Variants in CYLC2 observed in about 807,000 individuals in gnomAD.
CYLC2 encodes cylicin-2.
CYLC2 carries 30 observed loss-of-function variants against 26.1 expected under a neutral mutation model. That is an observed-to-expected ratio of 1.15 (90% CI 0.86 to 1.56). The LOEUF (loss-of-function observed/expected upper bound fraction) is 1.56. Ranked by LOEUF, CYLC2 falls within the 40% of genes most tolerant of loss-of-function variation. The pLI is 0.00. For missense variants in CYLC2, 498 were observed against 394.4 expected (o/e 1.26, Z -2.23); for synonymous variants, 158 against 132.8 (o/e 1.19, Z -1.31).
chr9:103,002,363 T>TCC (rs1198595956), intron 2 of CYLC2, among the ~76,000 whole-genome samples: 7,109 of 126,296 alleles, frequency 0.056, 240 homozygotes, highest in South Asian at 0.11. Context: ...CCCCCTTTTT[T>TCC]TTTTTTTTTT....
Position 103,005,433 on chromosome 9 carries a change from A to T in CYLC2, c.802A>T (p.Lys268Ter), listed in dbSNP as rs765811661. 3.7e-6 allele frequency: 6 copies of T among 1,613,540 alleles called. No individual in the cohort carries two copies. Among genetic ancestry groups the T allele is most frequent in the South Asian group, 1.1e-5 (1 of 91,036 alleles). ...TGCCAAGAAAGATGCAAAGGAGATT[A>T]AAAAAGGTAAGAAAGATAAGAAGAA... ...KDAKKDAKEI[K>*]KGKKDKKKPS... Residue 268 changes from lysine to a stop codon, truncating the protein, a stop_gained, in exon 5 of 8, where the codon AAA becomes TAA. Coordinates refer to ENST00000374798, the MANE Select transcript of CYLC2 (RefSeq NM_001340.5). LOFTEE classifies it low-confidence loss of function (END_TRUNC).
rs2298048 is a variant in CYLC2, at chr9:103,003,066, G to A, written c.59-76G>A. 9.8e-3 allele frequency: 15,264 copies of A among 1,549,688 alleles called. 761 individuals are homozygous for A. The East Asian group carries it at 0.17, about 17-fold the overall frequency. On this transcript the variant is annotated intron_variant, in intron 2 of 7. Coordinates refer to ENST00000374798, the MANE Select transcript of CYLC2 (RefSeq NM_001340.5). Reference sequence around the variant, plus strand: ...TTGTTTATTCATTTACATGATATACGTTGCACGTAATGCCATTTCAGCTCT... The same window carrying A: ...TTGTTTATTCATTTACATGATATACATTGCACGTAATGCCATTTCAGCTCT...
chr9:103,007,230 CTG>C (rs890292348), intron 5 of CYLC2, among the ~76,000 whole-genome samples: 2 of 151,942 alleles, frequency 1.3e-5, no homozygotes, highest in East Asian at 1.9e-4. Flanking sequence ...TAAAAAGTGT[CTG>C]TGGAAAGGTT....
At position 103,014,635 on chromosome 9, in the gene CYLC2, T is replaced by TCATATGTATATTATGCAGTATACAC. The variant is rs1300017140; in HGVS notation, c.*817-2228_*817-2204dup. ...TCATATGTATATTATGCAGTATACA[T>TCATATGTATATTATGCAGTATACAC]CATATGTATATTATGCAGTATACAC... is the stretch of plus-strand genomic sequence containing the variant. On this transcript the variant is annotated intron_variant, in intron 6 of 7. Coordinates refer to ENST00000374798, the MANE Select transcript of CYLC2 (RefSeq NM_001340.5). 6.5e-3 allele frequency among the ~76,000 whole-genome samples: 846 copies of TCATATGTATATTATGCAGTATACAC among 130,636 alleles called. 128 individuals are homozygous for TCATATGTATATTATGCAGTATACAC. Among genetic ancestry groups the TCATATGTATATTATGCAGTATACAC allele is most frequent in the Non-Finnish European group, 7.1e-3 (444 of 62,752 alleles). The allele number at this position is 130,636 out of a possible 152,430, so 85.7% of individuals were successfully genotyped here. A position where few individuals can be genotyped will look rare whatever the true frequency, so the allele number is the denominator to read the frequency against.
intron 5 of CYLC2, among the ~76,000 whole-genome samples, chr9:103,009,799 A>T (rs1158603056): frequency 5.3e-5 from 8 of 152,044 alleles, no homozygotes; most frequent in African/African-American, 1.9e-4. Flanking sequence ...AACAAATGAG[A>T]GAGAACATGC....
intron 3 of CYLC2, 71 bp from the exon 4 acceptor site, chr9:103,004,623 AT>A: frequency 1.0e-6 from 1 of 995,572 alleles, no homozygotes; most frequent in Non-Finnish European, 1.4e-6. Flanking sequence ...ATTAAAATAT[AT>A]TTGGGATATA....
intron 6 of CYLC2, among the ~76,000 whole-genome samples, chr9:103,013,918 T>TTA (rs1829452992): frequency 8.7e-6 from 1 of 114,748 alleles, no homozygotes; most frequent in African/African-American, 3.6e-5. Context: ...ATATTATACA[T>TTA]TATATATCAT....
At chr9:103,009,116 T>C (rs1446900848) in intron 5 of CYLC2, among the ~76,000 whole-genome samples, 4 of 152,320 alleles carry the variant, frequency 2.6e-5, no homozygotes, top group East Asian at 1.9e-4. Context: ...TCCTTCTCCA[T>C]AGAATGCAAT....
intron 6 of CYLC2, among the ~76,000 whole-genome samples, chr9:103,016,088 A>T (rs1829502040): frequency 6.6e-6 from 1 of 151,754 alleles, no homozygotes; most frequent in Non-Finnish European, 1.5e-5. Flanking sequence ...TAGATAATTG[A>T]TATTATCTAT....
At chr9:103,004,507 T>C (rs1405745329) in intron 3 of CYLC2, among the ~76,000 whole-genome samples, 188 bp from the exon 4 acceptor site, 1 of 152,046 alleles carries the variant, frequency 6.6e-6, no homozygotes, top group African/African-American at 2.4e-5. Context: ...TGAGGCATGA[T>C]TATTCACTAG....
rs781003105 is a variant in CYLC2 at position 103,005,600 on chromosome 9, TAAGAAGGATGCA to T, written c.988_999del (p.Asp330_Lys333del). The T allele has an allele frequency of 9.5e-4, 1,526 of 1,611,072 alleles. 10 individuals carry two copies. The African/African-American group carries it at 0.018, about 19-fold the overall frequency. ...CAAAGAAGGATGCAAAGAAAAATGCTAAGAAGGATGCAAAGAAGGATGCAAAGAAGAATGCAA... is the reference window on the plus strand; with the variant it reads ...CAAAGAAGGATGCAAAGAAAAATGCTAAGAAGGATGCAAAGAAGAATGCAA... On this transcript the variant is annotated inframe_deletion, in exon 5 of 8. Transcript: ENST00000374798.
chr9:103,004,355 A>G (rs10820336), intron 3 of CYLC2, among the ~76,000 whole-genome samples: 131,162 of 151,892 alleles, frequency 0.86, 56,839 homozygotes, highest in East Asian at 1. Context: ...ATAGAAGGTG[A>G]GCAAGATATT....
chr9:103,017,209 T>C (rs1829516331), intron 7 of CYLC2, among the ~76,000 whole-genome samples: 2 of 151,922 alleles, frequency 1.3e-5, no homozygotes, highest in Non-Finnish European at 2.9e-5. Context: ...TTAAGGTGGG[T>C]GGCATTTGAG....
intron 6 of CYLC2, among the ~76,000 whole-genome samples, chr9:103,015,406 A>G (rs1169615134): frequency 1.5e-5 from 2 of 134,976 alleles, no homozygotes; most frequent in Non-Finnish European, 3.1e-5. Flanking sequence ...TATGCTTATT[A>G]TATATTATAT....
At chr9:103,014,074 A>C (rs1418962198) in intron 6 of CYLC2, among the ~76,000 whole-genome samples, 2 of 118,994 alleles carry the variant, frequency 1.7e-5, no homozygotes, top group Non-Finnish European at 3.2e-5. Flanking sequence ...TTCATATATA[A>C]ATTTAAATAT....
chr9:102,996,626 G>C (rs1236040753), intron 1 of CYLC2, among the ~76,000 whole-genome samples: 2 of 151,826 alleles, frequency 1.3e-5, no homozygotes, highest in Non-Finnish European at 2.9e-5. Flanking sequence ...CATTGAACAC[G>C]CAAAATTTAA....
intron 5 of CYLC2, among the ~76,000 whole-genome samples, 168 bp downstream of exon 5, chr9:103,006,546 T>C (rs1564098538): frequency 6.6e-6 from 1 of 151,890 alleles, no homozygotes; most frequent in Non-Finnish European, 1.5e-5. Context: ...CCCAAGTAGC[T>C]GGACTACAGG....
intron 6 of CYLC2, among the ~76,000 whole-genome samples, chr9:103,015,737 T>C (rs1386935711): frequency 1.3e-5 from 2 of 149,170 alleles, no homozygotes; most frequent in African/African-American, 2.4e-5. Context: ...ATTTTGCCTT[T>C]TATAAAATGT....
At chr9:102,999,357 T>C (rs1032182176) in intron 1 of CYLC2, among the ~76,000 whole-genome samples, 1 of 151,874 alleles carries the variant, frequency 6.6e-6, no homozygotes, top group Non-Finnish European at 1.5e-5. Context: ...TTACATTTGA[T>C]TGGCAGCTTT....
Sources: gnomAD v4.1 joint callset for allele counts (sites outside exome capture counted in the v4.1 genomes callset) on GRCh38, gnomAD v4.1.1 for gene constraint, MANE v1.5 for transcripts, NCBI Gene and HGNC (gene_info 2026-07-23, HGNC 2026-07-21) for gene names.